Variants in ALS2 observed in about 807,000 individuals in gnomAD.
The protein encoded by ALS2 is alsin Rho guanine nucleotide exchange factor ALS2, also known as alsin.
ALS2 carries 117 observed loss-of-function variants against 203.4 expected under a neutral mutation model. The ratio of observed to expected loss-of-function variants is 0.58; its 90% CI spans 0.50 to 0.67. The LOEUF (loss-of-function observed/expected upper bound fraction) is 0.67, where lower values mean the gene tolerates loss of function less well. ALS2 is among the 30% of genes least tolerant of loss of function. The pLI, the probability that ALS2 is intolerant of heterozygous loss-of-function variation, is 0.00. For synonymous variants in ALS2, 718 were observed against 725.9 expected, an observed-to-expected ratio of 0.99 and a Z score of 0.17; for missense variants, 1,715 against 1,989.4, an observed-to-expected ratio of 0.86 and a Z score of 2.62.
Position 201,741,468 on chromosome 2 carries a change from T to C in ALS2, c.2351+206A>G. 3 of 564,922 alleles carry C rather than the reference T, an allele frequency of 5.3e-6. No homozygotes were observed. In the South Asian group the frequency reaches 6.4e-5, roughly 12 times the overall value. The allele number at this position is 564,922 out of a possible 1,614,324, so 35.0% of individuals were successfully genotyped here. ...TAGAATATAGAAGAAAACATGATAA[T>C]TCATTATTTTTAAATTTTTTTTCAT... On this transcript the variant is annotated intron_variant, in intron 11 of 33. Coordinates refer to ENST00000264276, the MANE Select transcript of ALS2 (RefSeq NM_020919.4).
intron 13 of ALS2, among the ~76,000 whole-genome samples, chr2:201,730,242 T>C (rs1236885917): frequency 3.3e-5 from 5 of 152,224 alleles, no homozygotes; most frequent in African/African-American, 1.2e-4. Context: ...TCCAGGGGTC[T>C]ATCATGCACT....
At position 201,704,275 on chromosome 2, in the gene ALS2, T is replaced by C. The variant is rs577567911; in HGVS notation, c.4839-57A>G. 211 of 1,531,336 alleles carry C rather than the reference T, an allele frequency of 1.4e-4. No homozygotes were observed. In the Admixed American group the frequency reaches 3.4e-3, roughly 25 times the overall value. The allele number at this position is 1,531,336 out of a possible 1,614,324, so 94.9% of individuals were successfully genotyped here. ...TTTCACTTACATGTCCATTCTCCTT[T>C]TGAATCTAGTTGATGGGAAAAAGAA... On this transcript the variant is annotated intron_variant, in intron 32 of 33. Coordinates refer to ENST00000264276, the MANE Select transcript of ALS2 (RefSeq NM_020919.4).
At chr2:201,708,235 T>C (rs909675673) in intron 27 of ALS2, among the ~76,000 whole-genome samples, 2 of 152,196 alleles carry the variant, frequency 1.3e-5, no homozygotes, top group Non-Finnish European at 2.9e-5. Flanking sequence ...AGAATTCTGA[T>C]CTATATGAGA....
intron 4 of ALS2, chr2:201,760,320 CAA>C (rs1166288701): frequency 1.0e-6 from 1 of 983,822 alleles, no homozygotes. Flanking sequence ...CAAAAACAAA[CAA>C]ACAAAAAGAT....
At position 201,728,578 on chromosome 2, in the gene ALS2, C is replaced by T. The variant is rs981595024; in HGVS notation, c.2775G>A (p.Leu925=). 1 of 1,614,032 alleles carries T rather than the reference C, an allele frequency of 6.2e-7. No homozygotes were observed. The highest frequency in any genetic ancestry group is 8.5e-7 in the Non-Finnish European group (1 of 1,180,034). The change falls in exon 15 of 34, where the codon CTG becomes CTA. Residue 925 remains leucine (L), a synonymous_variant. Transcript: ENST00000264276. ...LCESSNRALS[L]QHAGRFSVNW... ...TCACGGAAAACCTCCCAGCATGCTG[C>T]AGAGACAGGGCTCGGTTACTACTCT...
chr2:201,734,628 G>A (rs1691770460), intron 12 of ALS2, among the ~76,000 whole-genome samples: 1 of 152,142 alleles, frequency 6.6e-6, no homozygotes. Flanking sequence ...GAGAGACGGA[G>A]GTAAGATATA....
chr2:201,705,948 C>CAAA (rs36043130), intron 29 of ALS2, among the ~76,000 whole-genome samples: 89 of 143,804 alleles, frequency 6.2e-4, no homozygotes, highest in East Asian at 2.5e-3. Context: ...GACTCCGTCT[C>CAAA]AAAAAAAAAA....
chr2:201,727,199 A>T lies in ALS2; in HGVS notation c.2979+13T>A, dbSNP rs1001846413. On this transcript the variant is annotated intron_variant, in intron 17 of 33. Transcript: ENST00000264276. ...AGGGCGAAGATTGAAGGAAAATACC[A>T]TAATAGACTAACCTTTTCCTGGGGT... is the stretch of plus-strand genomic sequence containing the variant. The T allele has an allele frequency of 6.2e-7, 1 of 1,605,930 alleles. No individual in the cohort carries two copies. Among genetic ancestry groups the T allele is most frequent in the South Asian group, 1.1e-5 (1 of 90,902 alleles).
intron 21 of ALS2, 122 bp from the exon 22 acceptor site, chr2:201,723,563 G>A (rs1296216699): frequency 5.0e-6 from 4 of 794,198 alleles, no homozygotes; most frequent in Admixed American, 2.0e-5. Flanking sequence ...CATTTTTCTA[G>A]TTAAAATAGT....
At chr2:201,746,820 G>T in intron 8 of ALS2, 72 bp from the exon 9 acceptor site, 1 of 1,558,464 alleles carries the variant, frequency 6.4e-7, no homozygotes, top group Non-Finnish European at 8.8e-7. Flanking sequence ...CACAGGAACT[G>T]AAACGTTAGG....
In ALS2 at chr2:201,716,466, C is replaced by T. The variant is rs193190136; in HGVS notation, c.3837-627G>A. On this transcript the variant is annotated intron_variant, in intron 24 of 33. Coordinates refer to ENST00000264276, the MANE Select transcript of ALS2 (RefSeq NM_020919.4). ...GGCTGGGGCAGGAGAATCGCTTGAA[C>T]CCAGAAGGCAGAGGTTGCAGTGAGC... Among the ~76,000 whole-genome samples the T allele has an allele frequency of 4.5e-4, 68 of 151,176 alleles. No homozygotes were observed. The East Asian group carries it at 0.013, about 28-fold the overall frequency.
intron 30 of ALS2, 97 bp downstream of exon 30, chr2:201,705,319 T>C (rs999079946): frequency 1.4e-5 from 21 of 1,462,436 alleles, no homozygotes; most frequent in Non-Finnish European, 1.9e-5. Flanking sequence ...CAAGCTTGGG[T>C]ACTGTTCTAT....
At chr2:201,709,047 CA>C (rs1689884249) in intron 27 of ALS2, among the ~76,000 whole-genome samples, 1 of 152,194 alleles carries the variant, frequency 6.6e-6, no homozygotes, top group Non-Finnish European at 1.5e-5. Context: ...GACAAATTTA[CA>C]AACTTTTGTA....
intron 5 of ALS2, 78 bp downstream of exon 5, chr2:201,757,324 T>G: frequency 8.4e-7 from 1 of 1,185,936 alleles, no homozygotes; most frequent in Non-Finnish European, 1.3e-6. Context: ...GACAGCTTTT[T>G]TAATAATACA....
intron 4 of ALS2, 198 bp downstream of exon 4, chr2:201,760,683 G>A (rs139906972): frequency 3.6e-5 from 50 of 1,393,664 alleles, no homozygotes; most frequent in Non-Finnish European, 4.5e-5. Flanking sequence ...ATCATAAAGG[G>A]CCAGAACAAA....
At chr2:201,728,678 C>G in intron 14 of ALS2, 38 bp from the exon 15 acceptor site, 2 of 1,601,870 alleles carry the variant, frequency 1.2e-6, no homozygotes, top group Non-Finnish European at 8.5e-7. Flanking sequence ...GTCAAACAAT[C>G]AAAATTATTT....
Position 201,704,569 on chromosome 2 carries a change from T to C in ALS2, c.4723A>G (p.Ile1575Val). 6.2e-7 allele frequency: 1 copy of C among 1,614,184 alleles called. No individual in the cohort carries two copies. Among genetic ancestry groups the C allele is most frequent in the East Asian group, 2.2e-5 (1 of 44,874 alleles). The part of the protein sequence containing the change: ...TFTPSDKLKV[I>V]QQTFEEISQS... ...GAGATCTCCTCAAAAGTCTGCTGGA[T>C]GACCTTAAGTTTGTCTGATGGGGTA... is the stretch of plus-strand genomic sequence containing the variant. The change falls in exon 32 of 34, where the codon ATC becomes GTC. Residue 1575 changes from isoleucine to valine, a missense_variant. Coordinates refer to ENST00000264276, the MANE Select transcript of ALS2 (RefSeq NM_020919.4).
intron 5 of ALS2, among the ~76,000 whole-genome samples, 155 bp from the exon 6 acceptor site, chr2:201,754,826 G>A (rs1475746454): frequency 6.6e-6 from 1 of 152,206 alleles, no homozygotes; most frequent in African/African-American, 2.4e-5. Context: ...GGACCTGTTA[G>A]TCAAATGAAA....
At chr2:201,743,645 T>A (rs1051926870) in intron 10 of ALS2, among the ~76,000 whole-genome samples, 2 of 152,082 alleles carry the variant, frequency 1.3e-5, no homozygotes, top group Non-Finnish European at 2.9e-5. Context: ...CCTGGCTAAT[T>A]TTTGTATTTT....
Sources: allele counts gnomAD v4.1 joint callset (sites outside exome capture counted in the v4.1 genomes callset), GRCh38; gene constraint gnomAD v4.1.1; transcripts MANE v1.5; gene names NCBI Gene and HGNC (gene_info 2026-07-23, HGNC 2026-07-21).